Variants in HS3ST2 observed in about 807,000 individuals in gnomAD.
HS3ST2 encodes heparan sulfate glucosamine 3-O-sulfotransferase 2.
Under a neutral mutation model 26.3 loss-of-function variants are expected in HS3ST2, and 17 were observed. The ratio of observed to expected loss-of-function variants is 0.65; its 90% CI spans 0.44 to 0.97. HS3ST2 has a LOEUF of 0.97. Ranked by LOEUF, HS3ST2 falls within the 50% of genes least tolerant of loss-of-function variation. The probability of loss-of-function intolerance (pLI) is 0.00; values close to 1 mark genes in which losing one functional copy is unlikely to be tolerated. For synonymous variants in HS3ST2, 237 were observed against 219.2 expected, an observed-to-expected ratio of 1.08 and a Z score of -0.72; for missense variants, 402 against 501.2, an observed-to-expected ratio of 0.80 and a Z score of 1.89.
intron 1 of HS3ST2, among the ~76,000 whole-genome samples, chr16:22,847,213 T>C (rs1442777411): frequency 6.6e-6 from 1 of 152,182 alleles, no homozygotes; most frequent in Non-Finnish European, 1.5e-5. Flanking sequence ...TAGTTCCCAC[T>C]TATAAGTGAG....
intron 1 of HS3ST2, among the ~76,000 whole-genome samples, chr16:22,904,302 C>T (rs1319983394): frequency 1.3e-5 from 2 of 152,172 alleles, no homozygotes; most frequent in East Asian, 3.9e-4. Context: ...CCCCAGCATA[C>T]AGTAGGTGCT....
chr16:22,833,650 A>G (rs1811828988), intron 1 of HS3ST2, among the ~76,000 whole-genome samples: 2 of 152,158 alleles, frequency 1.3e-5, no homozygotes, highest in Admixed American at 1.3e-4. Flanking sequence ...TTATTGGTCT[A>G]TGTGGACTCT....
chr16:22,861,341 C>T (rs890984837), intron 1 of HS3ST2, among the ~76,000 whole-genome samples: 1 of 151,844 alleles, frequency 6.6e-6, no homozygotes, highest in Non-Finnish European at 1.5e-5. Flanking sequence ...GGGGCAGCTG[C>T]CCTGACTGCA....
chr16:22,905,919 G>A (rs1161058527), intron 1 of HS3ST2, among the ~76,000 whole-genome samples: 1 of 152,132 alleles, frequency 6.6e-6, no homozygotes, highest in Non-Finnish European at 1.5e-5. Flanking sequence ...ACTGAAATTG[G>A]AATGTACAGA....
chr16:22,865,066 A>G (rs1901732418), intron 1 of HS3ST2, among the ~76,000 whole-genome samples: 1 of 150,650 alleles, frequency 6.6e-6, no homozygotes, highest in Non-Finnish European at 1.5e-5. Context: ...AAAAAAAAAA[A>G]AAAAAGAGGA....
chr16:22,823,616 T>G (rs1901035310), intron 1 of HS3ST2, among the ~76,000 whole-genome samples: 1 of 96,756 alleles, frequency 1.0e-5, no homozygotes, highest in Non-Finnish European at 1.9e-5. Flanking sequence ...AGACCTCTTC[T>G]CTAAAAAAAA....
intron 1 of HS3ST2, among the ~76,000 whole-genome samples, chr16:22,815,425 C>T (rs1328879525): frequency 6.6e-6 from 1 of 152,200 alleles, no homozygotes; most frequent in Non-Finnish European, 1.5e-5. Flanking sequence ...AGGCGAGGAC[C>T]TGTGCTGCCT....
intron 1 of HS3ST2, among the ~76,000 whole-genome samples, chr16:22,846,598 C>A (rs955827880): frequency 5.9e-5 from 9 of 152,090 alleles, no homozygotes; most frequent in African/African-American, 2.2e-4. Context: ...TCATTTCACA[C>A]CGATTAGACT....
chr16:22,857,444 C>A (rs79195112), intron 1 of HS3ST2, among the ~76,000 whole-genome samples: 1 of 152,246 alleles, frequency 6.6e-6, no homozygotes, highest in African/African-American at 2.4e-5. Flanking sequence ...CAGTGGAAAA[C>A]GCGTTAATAT....
intron 1 of HS3ST2, among the ~76,000 whole-genome samples, chr16:22,839,184 A>G (rs1167354031): frequency 2.6e-5 from 4 of 152,250 alleles, no homozygotes; most frequent in Non-Finnish European, 5.9e-5. Context: ...CGGCACATAA[A>G]AAGATTGATA....
At chr16:22,900,512 G>A (rs905808996) in intron 1 of HS3ST2, among the ~76,000 whole-genome samples, 1 of 152,284 alleles carries the variant, frequency 6.6e-6, no homozygotes, top group East Asian at 1.9e-4. Flanking sequence ...GACGTCAGAA[G>A]GGAGTGAGTG....
At position 22,908,318 on chromosome 16, in the gene HS3ST2, G is replaced by A. The variant is rs545616929; in HGVS notation, c.486-6626G>A. Among the ~76,000 whole-genome samples the A allele has an allele frequency of 2.6e-5, 4 of 152,238 alleles. No individual in the cohort carries two copies. The South Asian group carries it at 8.3e-4, about 32-fold the overall frequency. On this transcript the variant is annotated intron_variant, in intron 1 of 1. Transcript: ENST00000261374. ...GATCTTACTTGTGCCATGGATTGTG[G>A]TGGACTCGGGAGATACAGCTGCAAA... is the stretch of plus-strand genomic sequence containing the variant.
Position 22,835,043 on chromosome 16 carries a change from G to A in HS3ST2, c.485+19948G>A, listed in dbSNP as rs550796670. On this transcript the variant is annotated intron_variant, in intron 1 of 1. Coordinates refer to ENST00000261374, the MANE Select transcript of HS3ST2 (RefSeq NM_006043.2). Reference sequence around the variant, plus strand: ...CTTTTAGTGTTTTATTACTTCAGATGTTTCTAGTGAGCTGAATTTGGCTTG... The same window carrying A: ...CTTTTAGTGTTTTATTACTTCAGATATTTCTAGTGAGCTGAATTTGGCTTG... Among the ~76,000 whole-genome samples, 175 of 152,184 alleles carry A rather than the reference G, an allele frequency of 1.1e-3. 1 individual carries two copies. The highest frequency in any genetic ancestry group is 3.9e-3 in the African/African-American group (162 of 41,524).
chr16:22,887,691 G>A (rs1055616713), intron 1 of HS3ST2, among the ~76,000 whole-genome samples: 3 of 152,122 alleles, frequency 2.0e-5, no homozygotes, highest in Admixed American at 6.5e-5. Flanking sequence ...CTCAGTAGGG[G>A]CATGCTTGGC....
At chr16:22,815,125 C>T (rs1018663277) in intron 1 of HS3ST2, 30 bp downstream of exon 1, 1 of 1,604,822 alleles carries the variant, frequency 6.2e-7, no homozygotes, top group Non-Finnish European at 8.5e-7. Context: ...CTCCGTGCGC[C>T]GGGTCTCTGA....
intron 1 of HS3ST2, among the ~76,000 whole-genome samples, chr16:22,867,256 G>A (rs1901770936): frequency 1.3e-5 from 2 of 152,088 alleles, no homozygotes; most frequent in South Asian, 4.2e-4. Context: ...ACCAAAATAA[G>A]TCTCAAAATA....
intron 1 of HS3ST2, among the ~76,000 whole-genome samples, chr16:22,872,828 A>G (rs940721518): frequency 6.6e-6 from 1 of 152,138 alleles, no homozygotes; most frequent in Non-Finnish European, 1.5e-5. Context: ...TAGAGCCCTC[A>G]TGTTGGTTTA....
intron 1 of HS3ST2, among the ~76,000 whole-genome samples, chr16:22,906,061 C>G (rs552128559): frequency 6.6e-6 from 1 of 152,234 alleles, no homozygotes; most frequent in East Asian, 1.9e-4. Flanking sequence ...CCACTGGAAT[C>G]ATCTGGAGAG....
intron 1 of HS3ST2, among the ~76,000 whole-genome samples, chr16:22,877,205 C>T (rs1441271240): frequency 2.6e-5 from 4 of 152,178 alleles, no homozygotes; most frequent in Non-Finnish European, 4.4e-5. Context: ...TCACAAGAGC[C>T]TGCTGGGTTA....
Sources: gnomAD v4.1 joint callset for allele counts (sites outside exome capture counted in the v4.1 genomes callset) on GRCh38, gnomAD v4.1.1 for gene constraint, MANE v1.5 for transcripts, NCBI Gene and HGNC (gene_info 2026-07-23, HGNC 2026-07-21) for gene names.